The following TENM3 variants were observed in gnomAD, a reference collection of about 807,000 sequenced individuals.
The protein encoded by TENM3 is teneurin-3.
TENM3 carries 63 observed loss-of-function variants against 255.1 expected under a neutral mutation model. The observed-to-expected ratio is 0.25, with a 90% CI of 0.20 to 0.30. The LOEUF is 0.30. Ranked by LOEUF, TENM3 falls within the 10% of genes least tolerant of loss-of-function variation. The probability of loss-of-function intolerance (pLI) is 1.00; values close to 1 mark genes in which losing one functional copy is unlikely to be tolerated. For missense variants in TENM3, 2,929 were observed against 3,461.1 expected (o/e 0.85, Z 3.86); for synonymous variants, 1,306 against 1,322.3 (o/e 0.99, Z 0.27).
chr4:182,094,492 C>T, the TENM3 span, among the ~76,000 whole-genome samples: 4,379 of 152,216 alleles, frequency 0.029, 176 homozygotes, highest in East Asian at 0.13. Context: ...GTGATCCGCC[C>T]GCCTCGGCAT....
chr4:181,533,737 A>G, the TENM3 span, among the ~76,000 whole-genome samples: 1 of 128,760 alleles, frequency 7.8e-6, no homozygotes, highest in Admixed American at 7.6e-5. Context: ...CCTTTAAATT[A>G]AAAAAAAAAA....
chr4:182,743,295 G>A lies in TENM3; in HGVS notation c.3505G>A (p.Gly1169Ser). 1 of 1,613,988 alleles carries A rather than the reference G, an allele frequency of 6.2e-7. No individual in the cohort carries two copies. Among genetic ancestry groups the A allele is most frequent in the Non-Finnish European group, 8.5e-7 (1 of 1,179,890 alleles). ...CCCCAGTTGCAATGGTCAAGCTGAT[G>A]GTAACAAGTTACTGGCCCCAGTGGC... ...SCPSCNGQADGNKLLAPVALA... is the reference protein window; with the variant it reads ...SCPSCNGQADSNKLLAPVALA... The change falls in exon 19 of 28, where the codon GGT becomes AGT. Residue 1169 changes from glycine to serine, a missense_variant. Coordinates refer to ENST00000511685, the MANE Select transcript of TENM3 (RefSeq NM_001080477.4).
intron 3 of TENM3, among the ~76,000 whole-genome samples, chr4:182,523,592 GA>G (rs1427362462): frequency 6.6e-6 from 1 of 152,090 alleles, no homozygotes; most frequent in Admixed American, 6.6e-5. Context: ...TAACATCGTG[GA>G]ATAATCTACC....
the TENM3 span, among the ~76,000 whole-genome samples, chr4:181,793,120 C>A: frequency 6.6e-6 from 1 of 152,162 alleles, no homozygotes; most frequent in Non-Finnish European, 1.5e-5. Flanking sequence ...GCTCTCCTTG[C>A]CCCTTTGAAG....
chr4:182,564,462 C>T (rs1447440872), intron 3 of TENM3, among the ~76,000 whole-genome samples: 2 of 152,128 alleles, frequency 1.3e-5, no homozygotes, highest in African/African-American at 4.8e-5. Flanking sequence ...GCAGTGACAA[C>T]CTTTCAACAA....
the TENM3 span, among the ~76,000 whole-genome samples, chr4:181,512,308 G>A: frequency 4.5e-4 from 68 of 152,094 alleles, no homozygotes; most frequent in African/African-American, 1.6e-3. Context: ...GTTCCCTTGA[G>A]GCCAAGGTCT....
At chr4:181,719,088 C>T in the TENM3 span, among the ~76,000 whole-genome samples, 1 of 151,432 alleles carries the variant, frequency 6.6e-6, no homozygotes, top group African/African-American at 2.4e-5. Flanking sequence ...CGCCTGTAGT[C>T]CCAGCTACTC....
At chr4:182,376,123 A>G (rs1767164773) in intron 3 of TENM3, among the ~76,000 whole-genome samples, 1 of 152,224 alleles carries the variant, frequency 6.6e-6, no homozygotes, top group African/African-American at 2.4e-5. Context: ...GTTCTTATAC[A>G]CATAATTTAT....
the TENM3 span, among the ~76,000 whole-genome samples, chr4:181,647,097 A>G: frequency 0.032 from 4,946 of 152,344 alleles, 125 homozygotes; most frequent in South Asian, 0.083. Context: ...TTAAGTAACA[A>G]TATTTGCTGA....
At chr4:182,464,429 G>GTAT (rs1732389101) in intron 3 of TENM3, among the ~76,000 whole-genome samples, 1 of 151,986 alleles carries the variant, frequency 6.6e-6, no homozygotes, top group Admixed American at 6.6e-5. Context: ...GCTAATTTTT[G>GTAT]TATTTTTAGT....
At chr4:182,570,184 T>C (rs572313736) in intron 3 of TENM3, among the ~76,000 whole-genome samples, 1 of 152,216 alleles carries the variant, frequency 6.6e-6, no homozygotes, top group South Asian at 2.1e-4. Context: ...CAAGAGATAT[T>C]TCTAAGGACT....
chr4:181,457,409 CATT>C, the TENM3 span, among the ~76,000 whole-genome samples: 1 of 151,702 alleles, frequency 6.6e-6, no homozygotes, highest in Non-Finnish European at 1.5e-5. Context: ...AAGTCAACTT[CATT>C]ATTCTCTCTC....
the TENM3 span, among the ~76,000 whole-genome samples, chr4:182,134,107 C>T: frequency 6.6e-6 from 1 of 152,124 alleles, no homozygotes; most frequent in Non-Finnish European, 1.5e-5. Flanking sequence ...GCATATTTGT[C>T]ATCAAGATAA....
intron 3 of TENM3, among the ~76,000 whole-genome samples, chr4:182,457,891 A>G (rs1311436774): frequency 6.6e-6 from 1 of 152,194 alleles, no homozygotes; most frequent in Non-Finnish European, 1.5e-5. Context: ...TTCTGCATCC[A>G]GTGCAGTTGT....
chr4:182,683,894 G>C (rs1002031734), intron 11 of TENM3, among the ~76,000 whole-genome samples: 2 of 151,886 alleles, frequency 1.3e-5, no homozygotes, highest in African/African-American at 4.8e-5. Context: ...CATTTGAAAG[G>C]AAAAGCAGAC....
At chr4:182,589,245 T>C (rs1746352297) in intron 3 of TENM3, among the ~76,000 whole-genome samples, 1 of 152,112 alleles carries the variant, frequency 6.6e-6, no homozygotes, top group Non-Finnish European at 1.5e-5. Flanking sequence ...AAGCACTCTT[T>C]ATCTTTCTGG....
chr4:182,527,044 G>A (rs1739274999), intron 3 of TENM3, among the ~76,000 whole-genome samples: 1 of 151,926 alleles, frequency 6.6e-6, no homozygotes, highest in Non-Finnish European at 1.5e-5. Context: ...CAAATGAAAT[G>A]TGGATAATTA....
chr4:182,604,234 G>A (rs1240023374), intron 4 of TENM3, among the ~76,000 whole-genome samples: 1 of 152,038 alleles, frequency 6.6e-6, no homozygotes, highest in Admixed American at 6.6e-5. Flanking sequence ...AATACTTCTG[G>A]TCTATAATCT....
At chr4:181,625,937 A>G in the TENM3 span, among the ~76,000 whole-genome samples, 1 of 152,186 alleles carries the variant, frequency 6.6e-6, no homozygotes, top group Non-Finnish European at 1.5e-5. Flanking sequence ...CACCCATTTC[A>G]GGGATTTTTA....
Sources: gnomAD v4.1 joint callset for allele counts (sites outside exome capture counted in the v4.1 genomes callset) on GRCh38, gnomAD v4.1.1 for gene constraint, MANE v1.5 for transcripts, NCBI Gene and HGNC (gene_info 2026-07-23, HGNC 2026-07-21) for gene names.